ZNF85: variants seen among roughly 807,000 people sequenced by gnomAD.
ZNF85 encodes zinc finger protein 85 (HPF4, HTF1).
In ZNF85, 50 loss-of-function variants were observed where a neutral mutation model predicts 53.9. The observed-to-expected ratio is 0.93, with a 90% confidence interval of 0.74 to 1.17. ZNF85 has a LOEUF of 1.17. Among genes scored for constraint, ZNF85 ranks in the 50% most tolerant of loss-of-function variants. ZNF85 has a pLI of 0.00. For missense variants in ZNF85, 747 were observed against 688.5 expected, an observed-to-expected ratio of 1.08 and a Z score of -0.95; for synonymous variants, 225 against 226.1, an observed-to-expected ratio of 1.00 and a Z score of 0.04.
intron 1 of ZNF85, among the ~76,000 whole-genome samples, chr19:20,932,464 C>A (rs923719417): frequency 6.6e-6 from 1 of 152,158 alleles, no homozygotes; most frequent in Admixed American, 6.5e-5. Flanking sequence ...ATTCCTACCA[C>A]AAATTTATAA....
At chr19:20,934,835 A>G in intron 2 of ZNF85, 114 bp from the exon 3 acceptor site, 1 of 570,384 alleles carries the variant, frequency 1.8e-6, no homozygotes. Context: ...TAAATATTTG[A>G]AAATGTCTGT....
At chr19:20,946,570 G>GCACACACACACACACACA (rs74172383) in intron 3 of ZNF85, among the ~76,000 whole-genome samples, 15 of 145,086 alleles carry the variant, frequency 1.0e-4, no homozygotes, top group African/African-American at 3.8e-4. Flanking sequence ...ATATACACAT[G>GCACACACACACACACACA]CACACACACA....
Position 20,934,215 on chromosome 19 carries a change from A to C in ZNF85, c.130+65A>C, listed in dbSNP as rs1973102506. 4 of 1,559,470 alleles carry C rather than the reference A, an allele frequency of 2.6e-6. No individual in the cohort carries two copies. The East Asian group carries it at 9.2e-5, about 36-fold the overall frequency. The stretch of plus-strand genomic sequence containing the variant: ...AAGGTTTTATTTCTTTTATTTGTGG[A>C]ATGTTTTTCTGGTAAAGTGTGCTTT... On this transcript the variant is annotated intron_variant, in intron 2 of 3. Transcript: ENST00000328178.
In ZNF85 at chr19:20,935,029, A is replaced by G. The variant is rs369053481; in HGVS notation, c.211A>G (p.Met71Val). Residue 71 changes from methionine to valine, a missense_variant, in exon 3 of 4, where the codon ATG becomes GTG. Met to Val is a conservative substitution (Grantham distance 21). Coordinates refer to ENST00000328178, the MANE Select transcript of ZNF85 (RefSeq NM_003429.5). The part of the protein sequence containing the change: ...EAWSMKRHEI[M>V]VAKPTVMCSH... Reference sequence around the variant, plus strand: ...CTGGAGTATGAAGAGACATGAGATCATGGTGGCCAAACCCACAGGTAGGTG... The same window carrying G: ...CTGGAGTATGAAGAGACATGAGATCGTGGTGGCCAAACCCACAGGTAGGTG... 3.2e-5 allele frequency: 52 copies of G among 1,609,846 alleles called. No homozygotes were observed. Among genetic ancestry groups the G allele is most frequent in the Non-Finnish European group, 4.3e-5 (51 of 1,177,832 alleles).
chr19:20,925,901 C>G (rs2094874912), intron 1 of ZNF85, among the ~76,000 whole-genome samples: 2 of 152,082 alleles, frequency 1.3e-5, no homozygotes, highest in Admixed American at 6.6e-5. Context: ...TTAAAAGGCA[C>G]AAAAATATTT....
chr19:20,931,249 CAT>C (rs1318302887), intron 1 of ZNF85, among the ~76,000 whole-genome samples: 1 of 152,168 alleles, frequency 6.6e-6, no homozygotes, highest in Non-Finnish European at 1.5e-5. Flanking sequence ...CCTGCAGAAT[CAT>C]ATTACATAGA....
intron 3 of ZNF85, among the ~76,000 whole-genome samples, chr19:20,944,888 C>G (rs1201204825): frequency 6.6e-6 from 1 of 152,058 alleles, no homozygotes; most frequent in African/African-American, 2.4e-5. Flanking sequence ...ATGTCTATTG[C>G]TAATGTGTTT....
In ZNF85 at chr19:20,923,565, G is replaced by A. The variant is rs1334165616; in HGVS notation, c.3+162G>A. ...CCAGTTCCTCCAGCCATAAGATGGC[G>A]GCTGCGCTGACAGCCGGCCCGGGCG... On this transcript the variant is annotated intron_variant, in intron 1 of 3. Transcript: ENST00000328178. The A allele has an allele frequency of 6.3e-6, 8 of 1,263,448 alleles. No individual in the cohort carries two copies. In the African/African-American group the frequency reaches 9.0e-5, roughly 14 times the overall value. The allele number at this position is 1,263,448 out of a possible 1,614,324, so 78.3% of individuals were successfully genotyped here.
chr19:20,937,500 TA>T (rs1973187865), intron 3 of ZNF85: 1 of 357,326 alleles, frequency 2.8e-6, no homozygotes, highest in Admixed American at 3.6e-5. Context: ...GAGGCTTGGG[TA>T]GCTGTAACTC....
In ZNF85 at chr19:20,930,139, A is replaced by AAG. The variant is rs917802663; in HGVS notation, c.4-3884_4-3883insGA. Among the ~76,000 whole-genome samples the AAG allele has an allele frequency of 9.3e-5, 14 of 151,160 alleles. No individual in the cohort carries two copies. The East Asian group carries it at 2.5e-3, about 27-fold the overall frequency. ...CCGTCCCAAAAAAAAAAAAAAAAAA[A>AAG]AAAGAAATCAGAGTTTTTGTCTGGT... On this transcript the variant is annotated intron_variant, in intron 1 of 3. Transcript: ENST00000328178.
rs528276791 is a variant in ZNF85, at chr19:20,931,190, C to T, written c.4-2834C>T. Among the ~76,000 whole-genome samples, 3 of 152,214 alleles carry T rather than the reference C, an allele frequency of 2.0e-5. No individual in the cohort carries two copies. The South Asian group carries it at 6.2e-4, about 32-fold the overall frequency. On this transcript the variant is annotated intron_variant, in intron 1 of 3. Transcript: ENST00000328178. ...ATGCCAATAATGAGCCCAAGGGAAG[C>T]AACATCAGCACTGACAGGGTTGTTA...
intron 3 of ZNF85, among the ~76,000 whole-genome samples, chr19:20,945,923 A>T (rs1024740403): frequency 5.9e-5 from 9 of 152,238 alleles, no homozygotes; most frequent in Non-Finnish European, 1.0e-4. Flanking sequence ...TATGACATGT[A>T]CATTACGTAT....
At chr19:20,929,044 A>T (rs2144606523) in intron 1 of ZNF85, among the ~76,000 whole-genome samples, 1 of 151,064 alleles carries the variant, frequency 6.6e-6, no homozygotes, top group South Asian at 2.1e-4. Flanking sequence ...CTCCACCCTT[A>T]CTAGGCCTCA....
chr19:20,949,572 A>G lies in ZNF85; in HGVS notation c.1058A>G (p.Gln353Arg), dbSNP rs777012832. Residue 353 changes from glutamine (Q) to arginine (R), a missense_variant, in exon 4 of 4, where the codon CAG (glutamine) becomes CGG (arginine). Transcript: ENST00000328178. ...KCKKCGKAFN[Q>R]SAHLTTHEVI... ...AAAAAATGTGGAAAAGCCTTTAACCAGTCTGCACACCTTACCACACATGAG... is the reference window on the plus strand; with the variant it reads ...AAAAAATGTGGAAAAGCCTTTAACCGGTCTGCACACCTTACCACACATGAG... The G allele has an allele frequency of 6.3e-7, 1 of 1,597,868 alleles. No individual in the cohort carries two copies. The highest frequency in any genetic ancestry group is 1.1e-5 in the South Asian group (1 of 89,758).
At chr19:20,948,518 C>T (rs1973475939) in intron 3 of ZNF85, among the ~76,000 whole-genome samples, 1 of 152,060 alleles carries the variant, frequency 6.6e-6, no homozygotes, top group Non-Finnish European at 1.5e-5. Flanking sequence ...GCATTATGCT[C>T]ACCTGGGGCA....
chr19:20,946,593 C>CACACACACCT (rs2144668369), intron 3 of ZNF85, among the ~76,000 whole-genome samples: 1 of 123,030 alleles, frequency 8.1e-6, no homozygotes, highest in Non-Finnish European at 1.9e-5. Context: ...CACACACACA[C>CACACACACCT]CCCACAAATG....
chr19:20,937,467 C>T (rs145679154), intron 3 of ZNF85: 45 of 389,040 alleles, frequency 1.2e-4, no homozygotes, highest in East Asian at 1.1e-3. Flanking sequence ...CACTAGGGTC[C>T]GCCTTTAGTT....
chr19:20,929,300 T>A, intron 1 of ZNF85, among the ~76,000 whole-genome samples: 1 of 152,038 alleles, frequency 6.6e-6, no homozygotes. Context: ...GCAATTCTTC[T>A]GCCTCAGCCT....
rs1309087219 is a variant in ZNF85 at position 20,948,886 on chromosome 19, TA to T, written c.374del (p.Lys125ArgfsTer28). ...AAGGCTGTGAAAGTATGGATGAGTG[TA>T]AGATGCACAAAGGAGGTTGTAATGG... ...RKGCESMDECKMHKGGCNGLN... is the reference protein window; with the variant it reads ...RKGCESMDECXMHKGGCNGLN... On this transcript the variant is annotated frameshift_variant, in exon 4 of 4. Coordinates refer to ENST00000328178, the MANE Select transcript of ZNF85 (RefSeq NM_003429.5). LOFTEE classifies it high-confidence loss of function. 1.9e-6 allele frequency: 3 copies of T among 1,613,594 alleles called. No homozygotes were observed. In the East Asian group the frequency reaches 6.7e-5, roughly 36 times the overall value.
Sources: allele counts gnomAD v4.1 joint callset (sites outside exome capture counted in the v4.1 genomes callset), GRCh38; gene constraint gnomAD v4.1.1; transcripts MANE v1.5; gene names NCBI Gene and HGNC (gene_info 2026-07-23, HGNC 2026-07-21).